Variants in TOGARAM2 observed in about 807,000 individuals in gnomAD.
TOGARAM2 encodes the protein TOG array regulator of axonemal microtubules 2.
Under a neutral mutation model 93.3 loss-of-function variants are expected in TOGARAM2, and 85 were observed. That is an observed-to-expected ratio of 0.91 (90% CI 0.76 to 1.09). The LOEUF (loss-of-function observed/expected upper bound fraction) is 1.09. Ranked by LOEUF, TOGARAM2 falls within the 50% of genes least tolerant of loss-of-function variation. The probability of loss-of-function intolerance (pLI) is 0.00; values close to 1 mark genes in which losing one functional copy is unlikely to be tolerated. For synonymous variants in TOGARAM2, 593 were observed against 552.8 expected (o/e 1.07, Z -1.02); for missense variants, 1,277 against 1,334.5 (o/e 0.96, Z 0.67).
chr2:29,036,901 G>C (rs768806401), intron 18 of TOGARAM2, 144 bp downstream of exon 18: 4 of 768,706 alleles, frequency 5.2e-6, no homozygotes, highest in Non-Finnish European at 8.4e-6. Context: ...GGAGCCCAGG[G>C]CCTCCAAGGC....
chr2:28,998,350 C>A, intron 3 of TOGARAM2, 97 bp downstream of exon 3: 1 of 784,432 alleles, frequency 1.3e-6, no homozygotes, highest in Non-Finnish European at 2.0e-6. Flanking sequence ...GAGCTACCAG[C>A]AGGTGTTATT....
Position 29,051,770 on chromosome 2 carries a change from G to C in TOGARAM2, c.2737G>C (p.Val913Leu). Residue 913 changes from valine (V) to leucine (L), a missense_variant, in exon 20 of 20, where the codon GTT becomes CTT. Physicochemically the swap from Val to Leu is conservative, Grantham distance 32. Transcript: ENST00000379558. ...CTGCCTGACAGTGCTGGTGGCCTCA[G>C]TTTACCCCCGGAAGCCTCAAGCTGT... ...TDRLAVLVASVYPRKPQAVER... is the reference protein window; with the variant it reads ...TDRLAVLVASLYPRKPQAVER... The C allele has an allele frequency of 6.6e-7, 1 of 1,516,090 alleles. No individual in the cohort carries two copies. The allele number at this position is 1,516,090 out of a possible 1,614,324, so 93.9% of individuals were successfully genotyped here.
chr2:28,967,931 G>C lies in TOGARAM2; in HGVS notation c.-147+11234G>C, dbSNP rs555723152. ...CCTCCTGGGTTCAAGCGATTCTCCTGTCTCAGCCTCCCGGGTAGCTGGGAT... is the reference window on the plus strand; with the variant it reads ...CCTCCTGGGTTCAAGCGATTCTCCTCTCTCAGCCTCCCGGGTAGCTGGGAT... On this transcript the variant is annotated intron_variant, in intron 1 of 6. Coordinates refer to the TOGARAM2 transcript ENST00000401723. 2.6e-4 allele frequency among the ~76,000 whole-genome samples: 38 copies of C among 147,868 alleles called. No individual in the cohort carries two copies. The South Asian group carries it at 7.8e-3, about 31-fold the overall frequency.
Position 29,005,751 on chromosome 2 carries a change from A to ATG in TOGARAM2, c.830+2080_830+2081dup, listed in dbSNP as rs568308717. Among the ~76,000 whole-genome samples, 7 of 12,510 alleles carry ATG rather than the reference A, an allele frequency of 5.6e-4. 1 individual carries two copies. The highest frequency in any genetic ancestry group is 4.3e-3 in the Non-Finnish European group (7 of 1,644). The allele number at this position is 12,510 out of a possible 152,430, so 8.2% of individuals were successfully genotyped here. On this transcript the variant is annotated intron_variant, in intron 6 of 19. Coordinates refer to ENST00000379558, the MANE Select transcript of TOGARAM2 (RefSeq NM_199280.4). Reference sequence around the variant, plus strand: ...TGTGTGTGAGCACATATATGTGTGTATGTGTGTGTGTGAGTACATGTGTGG... The same window carrying ATG: ...TGTGTGTGAGCACATATATGTGTGTATGTGTGTGTGTGTGAGTACATGTGTGG...
intron 1 of TOGARAM2, among the ~76,000 whole-genome samples, chr2:28,964,720 A>G (rs1367377551): frequency 1.4e-5 from 2 of 142,202 alleles, no homozygotes; most frequent in African/African-American, 5.3e-5. Flanking sequence ...CCTCCCACTT[A>G]TAAGTGAGAA....
intron 18 of TOGARAM2, among the ~76,000 whole-genome samples, chr2:29,038,269 G>C (rs1231429894): frequency 1.3e-5 from 2 of 152,096 alleles, no homozygotes; most frequent in East Asian, 3.9e-4. Flanking sequence ...GGGCCTCCTT[G>C]GGTACGGCTG....
chr2:29,028,578 T>C (rs890757107), intron 14 of TOGARAM2, among the ~76,000 whole-genome samples: 3 of 152,008 alleles, frequency 2.0e-5, no homozygotes, highest in Admixed American at 1.3e-4. Context: ...TGCTTATTAA[T>C]AATGAGTTTG....
Position 29,017,157 on chromosome 2 carries a change from C to G in TOGARAM2, c.1048C>G (p.Gln350Glu). Residue 350 changes from glutamine to glutamate, a missense_variant, in exon 9 of 20, where the codon CAA (glutamine) becomes GAA (glutamate). Transcript: ENST00000379558. ...GTTTGCCTTGACCTTGTGCCAGATCCAAGTCACCATCTCCAAGTCTGCCCG... is the reference window on the plus strand; with the variant it reads ...GTTTGCCTTGACCTTGTGCCAGATCGAAGTCACCATCTCCAAGTCTGCCCG... Reference protein sequence around the residue: ...EDQKEIGTKIQVTISKSAREK... With the variant: ...EDQKEIGTKIEVTISKSAREK... 6.2e-7 allele frequency: 1 copy of G among 1,612,656 alleles called. No individual in the cohort carries two copies. The highest frequency in any genetic ancestry group is 8.5e-7 in the Non-Finnish European group (1 of 1,179,348).
chr2:28,975,696 A>C (rs1672017441), intron 1 of TOGARAM2, among the ~76,000 whole-genome samples: 1 of 151,968 alleles, frequency 6.6e-6, no homozygotes, highest in South Asian at 2.1e-4. Context: ...GTTGTCTCCT[A>C]GACATTTTGG....
At chr2:29,011,331 C>A in intron 6 of TOGARAM2, 124 bp from the exon 7 acceptor site, 1 of 749,534 alleles carries the variant, frequency 1.3e-6, no homozygotes, top group Non-Finnish European at 2.2e-6. Flanking sequence ...GCAGGGATAA[C>A]AGTGCCGTCC....
In TOGARAM2 at chr2:29,024,229, G is replaced by T. The variant is rs370731705; in HGVS notation, c.1708G>T (p.Ala570Ser). Residue 570 changes from alanine to serine, a missense_variant, in exon 13 of 20, where the codon GCC (alanine) becomes TCC (serine). Ala to Ser is a moderately conservative substitution (Grantham distance 99, BLOSUM62 1). Coordinates refer to ENST00000379558, the MANE Select transcript of TOGARAM2 (RefSeq NM_199280.4). The stretch of plus-strand genomic sequence containing the variant: ...CTTGAAGAAGAATATGGACCAGGAG[G>T]CCGAGGAGATCGCCCGCTGCTTGCT... ...QALKKNMDQE[A>S]EEIARCLLQK... 8.6e-5 allele frequency: 138 copies of T among 1,609,692 alleles called. 1 individual carries two copies. The Middle Eastern group carries it at 1.3e-3, about 15-fold the overall frequency.
Position 29,017,967 on chromosome 2 carries a change from C to T in TOGARAM2, c.1360+11C>T, listed in dbSNP as rs1292142199. The T allele has an allele frequency of 3.1e-6, 5 of 1,588,956 alleles. No homozygotes were observed. In the Admixed American group the frequency reaches 6.9e-5, roughly 22 times the overall value. Reference sequence around the variant, plus strand: ...CCCGCCACGCCTCAGGTGGGCAGGCCCGACTGGCAGGCACACGTGTCCCTC... The same window carrying T: ...CCCGCCACGCCTCAGGTGGGCAGGCTCGACTGGCAGGCACACGTGTCCCTC... On this transcript the variant is annotated intron_variant, in intron 10 of 19. Coordinates refer to ENST00000379558, the MANE Select transcript of TOGARAM2 (RefSeq NM_199280.4).
chr2:29,014,684 G>A (rs375611563), intron 8 of TOGARAM2, 123 bp downstream of exon 8: 3 of 1,297,284 alleles, frequency 2.3e-6, no homozygotes, highest in African/African-American at 3.0e-5. Flanking sequence ...AGGAGAGCCC[G>A]AGGCAGCCAC....
intron 18 of TOGARAM2, among the ~76,000 whole-genome samples, chr2:29,042,312 C>T (rs1303753701): frequency 6.6e-6 from 1 of 152,246 alleles, no homozygotes; most frequent in East Asian, 1.9e-4. Flanking sequence ...TTATTCAGCA[C>T]CTGCAGTGTG....
At chr2:29,015,873 C>T (rs150763001) in intron 8 of TOGARAM2, among the ~76,000 whole-genome samples, 2 of 152,134 alleles carry the variant, frequency 1.3e-5, no homozygotes, top group Admixed American at 6.5e-5. Context: ...ACTCCCCCAG[C>T]GCTCAGCCCT....
At chr2:29,022,661 G>T (rs1198804199) in intron 11 of TOGARAM2, among the ~76,000 whole-genome samples, 1 of 152,208 alleles carries the variant, frequency 6.6e-6, no homozygotes, top group African/African-American at 2.4e-5. Context: ...AATTGAATCT[G>T]CTCCGAGCGC....
intron 8 of TOGARAM2, among the ~76,000 whole-genome samples, chr2:29,015,110 C>T (rs1664480582): frequency 6.6e-6 from 1 of 152,168 alleles, no homozygotes; most frequent in Non-Finnish European, 1.5e-5. Context: ...AGCCTGTGCT[C>T]ATTCTTTGAG....
upstream of TOGARAM2, among the ~76,000 whole-genome samples, chr2:28,978,255 G>A (rs1412250315): frequency 6.6e-6 from 1 of 152,122 alleles, no homozygotes; most frequent in Non-Finnish European, 1.5e-5. Context: ...AAAGGCTTTT[G>A]GGGTGGAGGG....
chr2:29,031,788 T>C (rs1172483956), intron 14 of TOGARAM2, among the ~76,000 whole-genome samples: 1 of 152,228 alleles, frequency 6.6e-6, no homozygotes, highest in Non-Finnish European at 1.5e-5. Flanking sequence ...GGCAGTGTCA[T>C]TGGAGGCTAT....
Sources: allele counts gnomAD v4.1 joint callset (sites outside exome capture counted in the v4.1 genomes callset), GRCh38; gene constraint gnomAD v4.1.1; transcripts MANE v1.5; gene names NCBI Gene and HGNC (gene_info 2026-07-23, HGNC 2026-07-21).